The following CPNE6 variants were observed in gnomAD, a reference collection of about 807,000 sequenced individuals.
The protein encoded by CPNE6 is copine 6.
A neutral mutation model predicts 71.5 loss-of-function variants in CPNE6; 33 were observed. The observed-to-expected ratio is 0.46, with a 90% CI of 0.35 to 0.62. CPNE6 has a LOEUF of 0.62. Ranked by LOEUF, CPNE6 falls within the 20% of genes least tolerant of loss-of-function variation. The probability of loss-of-function intolerance (pLI) is 0.00; values close to 1 mark genes in which losing one functional copy is unlikely to be tolerated. For synonymous variants in CPNE6, 296 were observed against 293.0 expected (o/e 1.01, Z -0.10); for missense variants, 576 against 747.3 (o/e 0.77, Z 2.67).
rs764269873 is a variant in CPNE6 at position 24,074,263 on chromosome 14, A to G, written c.424-28A>G. ...GTGGCCCTTGTGGTAAGGTTAGGGG[A>G]GTCCTGCCACTTGTATCCCCCTTGC... On this transcript the variant is annotated intron_variant, in intron 5 of 17. Transcript: ENST00000397016. This position sits in a 1 kb window ranked among gnomAD's most constrained non-coding sequence, Gnocchi z 4.5. The G allele has an allele frequency of 1.3e-6, 2 of 1,596,174 alleles. No individual in the cohort carries two copies. The highest frequency in any genetic ancestry group is 1.7e-6 in the Non-Finnish European group (2 of 1,167,792).
chr14:24,072,998 G>C, exon 3 of CPNE6: 1 of 1,586,088 alleles, frequency 6.3e-7, no homozygotes. Flanking sequence ...GGGGCCTCTC[G>C]GGTGGAGCTG....
rs775653038 is a variant in CPNE6, at chr14:24,073,008, G to T, written c.72G>T (p.Leu24=). ...CGCTGGGGGCCTCTCGGGTGGAGCT[G>T]CGGGTGTCCTGCCATGGCCTCCTGG... Residue 24 remains leucine (L), a synonymous_variant, in exon 3 of 18, where the codon CTG becomes CTT. Coordinates refer to ENST00000397016, the Ensembl canonical transcript of CPNE6. This position sits in a 1 kb window ranked among gnomAD's most constrained non-coding sequence, Gnocchi z 5.5. 1.3e-6 allele frequency: 2 copies of T among 1,582,652 alleles called. No individual in the cohort carries two copies. Among genetic ancestry groups the T allele is most frequent in the Non-Finnish European group, 1.7e-6 (2 of 1,166,242 alleles).
rs1566553864 is a variant in CPNE6 at position 24,077,883 on chromosome 14, C to T, written c.*38-5C>T. ...AGTGCTTATGACTCTCCCACCCCCT[C>T]CCAGGTGCCTGTCCTGACCCTCGTG... On this transcript the variant is annotated splice_polypyrimidine_tract_variant and splice_region_variant and intron_variant, in intron 17 of 17. Transcript: ENST00000397016. This position sits in a 1 kb window ranked among gnomAD's most constrained non-coding sequence, Gnocchi z 6.1. The T allele has an allele frequency of 2.5e-6, 2 of 798,702 alleles. No individual in the cohort carries two copies. 49.5% of individuals were successfully genotyped at this position (798,702 alleles called of 1,614,324 possible). A position where few individuals can be genotyped will look rare whatever the true frequency, so the allele number is the denominator to read the frequency against.
rs370001345 is a variant in CPNE6 at position 24,074,149 on chromosome 14, C to T, written c.423+24C>T. On this transcript the variant is annotated intron_variant, in intron 5 of 17. Transcript: ENST00000397016. The surrounding 1 kb of genome is among the most constrained non-coding windows in gnomAD (Gnocchi z 4.5). ...CGGTAGGCAAGATCACCTGTACTCA[C>T]CCTTGGTCCAGGTATTCAATGCCCC... The T allele has an allele frequency of 2.5e-6, 4 of 1,609,762 alleles. No individual in the cohort carries two copies. Among genetic ancestry groups the T allele is most frequent in the Non-Finnish European group, 3.4e-6 (4 of 1,176,026 alleles).
In CPNE6 at chr14:24,074,398, CCT is replaced by C. The variant is rs1164197755; in HGVS notation, c.498+34_498+35del. The C allele has an allele frequency of 6.5e-7, 1 of 1,547,948 alleles. No homozygotes were observed. The highest frequency in any genetic ancestry group is 1.2e-5 in the South Asian group (1 of 80,114). Reference sequence around the variant, plus strand: ...CCCCAGAGTCCAGGCCCCCAACTCCCCTGTCACTCCTAGGCCTCCCACTCAAG... The same window carrying C: ...CCCCAGAGTCCAGGCCCCCAACTCCCGTCACTCCTAGGCCTCCCACTCAAG... On this transcript the variant is annotated intron_variant, in intron 6 of 17. Transcript: ENST00000397016. The surrounding 1 kb of genome is among the most constrained non-coding windows in gnomAD (Gnocchi z 4.5).
rs1305075027 is a variant in CPNE6 at position 24,077,633 on chromosome 14, T to C, written c.1577T>C (p.Val526Ala). The change falls in exon 17 of 18, where the codon GTG becomes GCG. Residue 526 changes from valine to alanine, a missense_variant. Physicochemically the swap from Val to Ala is moderately conservative, Grantham distance 64. Around this residue, in one of 4 missense-constraint regions of CPNE6, gnomAD observed 264 missense variants for 339.9 expected, o/e 0.78. Transcript: ENST00000397016. This position sits in a 1 kb window ranked among gnomAD's most constrained non-coding sequence, Gnocchi z 6.1. ...CTCGCCAAGTGTGTCCTGGCTGAGG[T>C]GCCACGGCAGGTGGTGGAGTACTAC... The C allele has an allele frequency of 6.3e-7, 1 of 1,596,626 alleles. No individual in the cohort carries two copies. The highest frequency in any genetic ancestry group is 8.5e-7 in the Non-Finnish European group (1 of 1,170,946).
rs2035970104 is a variant in CPNE6, at chr14:24,073,632, C to T, written c.302C>T (p.Pro101Leu). 9.9e-6 allele frequency: 16 copies of T among 1,613,994 alleles called. No homozygotes were observed. Among genetic ancestry groups the T allele is most frequent in the Non-Finnish European group, 1.4e-5 (16 of 1,180,024 alleles). ...GATGCCGAGGACGGAGCCACCAGCC[C>T]CCGAAATGATACCTTCCTCGGCTCT... Residue 101 changes from proline (P) to leucine (L), a missense_variant, in exon 4 of 18, where the codon CCC becomes CTC. Coordinates refer to ENST00000397016, the Ensembl canonical transcript of CPNE6. The surrounding 1 kb of genome is among the most constrained non-coding windows in gnomAD (Gnocchi z 5.5).
chr14:24,074,633 G>C lies in CPNE6; in HGVS notation c.582+19G>C. The C allele has an allele frequency of 6.2e-7, 1 of 1,613,818 alleles. No homozygotes were observed. The highest frequency in any genetic ancestry group is 8.5e-7 in the Non-Finnish European group (1 of 1,179,690). Reference sequence around the variant, plus strand: ...AACTGAGGTTGGTGCCTGGGGCTATGGGGATGAAGGGAGGGAGAGTAAAGT... The same window carrying C: ...AACTGAGGTTGGTGCCTGGGGCTATCGGGATGAAGGGAGGGAGAGTAAAGT... On this transcript the variant is annotated intron_variant, in intron 7 of 17. Coordinates refer to ENST00000397016, the Ensembl canonical transcript of CPNE6. The surrounding 1 kb of genome is among the most constrained non-coding windows in gnomAD (Gnocchi z 4.5).
At chr14:24,071,510 C>G (rs984133173) in intron 1 of CPNE6, 52 bp from the exon 1 acceptor site, 6 of 1,492,512 alleles carry the variant, frequency 4.0e-6, no homozygotes, top group African/African-American at 2.9e-5. Flanking sequence ...CGCCCCCCCC[C>G]ACCCCTCCCC....
chr14:24,072,753 C>G lies in CPNE6; in HGVS notation c.-4-180C>G, dbSNP rs919678704. 11 of 476,452 alleles carry G rather than the reference C, an allele frequency of 2.3e-5. No homozygotes were observed. The South Asian group carries it at 3.6e-4, about 16-fold the overall frequency. The allele number at this position is 476,452 out of a possible 1,614,324, so 29.5% of individuals were successfully genotyped here. ...GGCTTCTGAGCAGGAGTGGGAGGCT[C>G]AGGTCCTCTGCCCTCCCCTGCTCAG... is the stretch of plus-strand genomic sequence containing the variant. On this transcript the variant is annotated intron_variant, in intron 2 of 17. Coordinates refer to ENST00000397016, the Ensembl canonical transcript of CPNE6.
Position 24,073,731 on chromosome 14 carries a change from C to T in CPNE6, c.348+53C>T. 6.4e-7 allele frequency: 1 copy of T among 1,550,786 alleles called. No homozygotes were observed. On this transcript the variant is annotated intron_variant, in intron 4 of 17. Coordinates refer to ENST00000397016, the Ensembl canonical transcript of CPNE6. The surrounding 1 kb of genome is among the most constrained non-coding windows in gnomAD (Gnocchi z 5.5). ...CCTACCCTACCTCCATCAGCTTTGC[C>T]TCTGGAAGCCAAAAAGAGAGAAAAC...
intron 1 of CPNE6, chr14:24,071,228 T>G: frequency 9.8e-7 from 1 of 1,015,750 alleles, no homozygotes. Flanking sequence ...TCAAGATATG[T>G]GTGAGCCTGT....
chr14:24,074,445 G>T lies in CPNE6; in HGVS notation c.498+80G>T. Reference sequence around the variant, plus strand: ...CTCAAGACAGATCCCAGGAGCCCAGGCCTGCTCTCTTCCCAGTGGGAGCCC... The same window carrying T: ...CTCAAGACAGATCCCAGGAGCCCAGTCCTGCTCTCTTCCCAGTGGGAGCCC... On this transcript the variant is annotated intron_variant, in intron 6 of 17. Transcript: ENST00000397016. The surrounding 1 kb of genome is among the most constrained non-coding windows in gnomAD (Gnocchi z 4.5). 1 of 1,581,706 alleles carries T rather than the reference G, an allele frequency of 6.3e-7. No individual in the cohort carries two copies. Among genetic ancestry groups the T allele is most frequent in the Non-Finnish European group, 8.7e-7 (1 of 1,155,146 alleles).
chr14:24,074,267 C>T lies in CPNE6; in HGVS notation c.424-24C>T. ...CCCTTGTGGTAAGGTTAGGGGAGTC[C>T]TGCCACTTGTATCCCCCTTGCAGAT... On this transcript the variant is annotated intron_variant, in intron 5 of 17. Coordinates refer to ENST00000397016, the Ensembl canonical transcript of CPNE6. This position sits in a 1 kb window ranked among gnomAD's most constrained non-coding sequence, Gnocchi z 4.5. The T allele has an allele frequency of 6.3e-7, 1 of 1,596,716 alleles. No individual in the cohort carries two copies. Among genetic ancestry groups the T allele is most frequent in the East Asian group, 2.2e-5 (1 of 44,582 alleles).
Position 24,077,462 on chromosome 14 carries a change from T to C in CPNE6, c.1536+72T>C. 6.3e-7 allele frequency: 1 copy of C among 1,578,100 alleles called. No homozygotes were observed. The highest frequency in any genetic ancestry group is 2.2e-5 in the East Asian group (1 of 44,654). On this transcript the variant is annotated intron_variant, in intron 16 of 17. Coordinates refer to ENST00000397016, the Ensembl canonical transcript of CPNE6. This position sits in a 1 kb window ranked among gnomAD's most constrained non-coding sequence, Gnocchi z 6.1. ...ATCCCCCCAAATCTGACCTTCGTCTTCCACCATTTGATGTCCTGCTAAGGA... is the reference window on the plus strand; with the variant it reads ...ATCCCCCCAAATCTGACCTTCGTCTCCCACCATTTGATGTCCTGCTAAGGA...
exon 1 of CPNE6, chr14:24,071,023 T>C (rs1174223410): frequency 1.3e-6 from 2 of 1,535,682 alleles, no homozygotes; most frequent in Admixed American, 3.9e-5. Flanking sequence ...TCCTGCTGTA[T>C]TCCGGGTTAG....
chr14:24,071,087 T>C, intron 1 of CPNE6: 2 of 1,461,482 alleles, frequency 1.4e-6, no homozygotes, highest in Middle Eastern at 1.7e-4. Context: ...TATATGTGAC[T>C]GCAGATATCC....
chr14:24,072,575 CACA>C (rs1594226062), intron 2 of CPNE6: 1 of 189,282 alleles, frequency 5.3e-6, no homozygotes, highest in South Asian at 1.8e-4. Flanking sequence ...GCAGCGCTGG[CACA>C]ACACCAGTCG....
At chr14:24,076,716 C>CCCAACTCTCCCTGCCAAGGGACCAT in intron 14 of CPNE6, 159 bp downstream of exon 13, 1 of 1,433,912 alleles carries the variant, frequency 7.0e-7, no homozygotes, top group Non-Finnish European at 9.7e-7. Context: ...AGCATCTGCA[C>CCCAACTCTCCCTGCCAAGGGACCAT]CCAACTCTCC....
Sources: gnomAD v4.1 joint callset for allele counts on GRCh38, gnomAD v4.1.1 for gene constraint, gnomAD v4.1.1 regional missense constraint, Gnocchi (gnomAD v3.1) non-coding constraint, MANE v1.5 for transcripts, NCBI Gene and HGNC (gene_info 2026-07-23, HGNC 2026-07-21) for gene names.